Variants in PTER observed in about 807,000 individuals in gnomAD.
PTER encodes the protein phosphotriesterase related, also known as N-acetyltaurine hydrolase.
PTER carries 38 observed loss-of-function variants against 29.6 expected under a neutral mutation model. That is an observed-to-expected ratio of 1.28 (90% confidence interval 0.99 to 1.68). PTER has a LOEUF of 1.68. Ranked by LOEUF, PTER falls within the 40% of genes most tolerant of loss-of-function variation. The pLI, the probability that PTER is intolerant of heterozygous loss-of-function variation, is 0.00. For missense variants in PTER, 482 were observed against 427.8 expected (o/e 1.13, Z -1.12); for synonymous variants, 172 against 154.5 (o/e 1.11, Z -0.84).
chr10:16,515,168 G>A (rs1451484071), downstream of PTER, among the ~76,000 whole-genome samples: 1 of 151,256 alleles, frequency 6.6e-6, no homozygotes, highest in South Asian at 2.1e-4. Flanking sequence ...AGAAAATTGA[G>A]GTATGTAATA....
rs534178111 is a variant in PTER, at chr10:16,493,430, T to C, written c.698+6813T>C. 2.6e-3 allele frequency among the ~76,000 whole-genome samples: 398 copies of C among 151,142 alleles called. 2 individuals carry two copies. The highest frequency in any genetic ancestry group is 8.2e-3 in the African/African-American group (332 of 40,458). ...TTTCTTTTATTCTTAAAAACAATTT[T>C]TTTTTTAAATTTTTAAGAGTAAAAG... On this transcript the variant is annotated intron_variant, in intron 3 of 4. Transcript: ENST00000535784.
intron 3 of PTER, among the ~76,000 whole-genome samples, chr10:16,501,380 C>T (rs1162735845): frequency 4.0e-5 from 6 of 150,290 alleles, no homozygotes; most frequent in Non-Finnish European, 8.8e-5. Flanking sequence ...TGCACACACA[C>T]ACACACACAC....
chr10:16,455,596 G>A (rs893029680), intron 1 of PTER, among the ~76,000 whole-genome samples: 5 of 152,062 alleles, frequency 3.3e-5, no homozygotes, highest in Non-Finnish European at 1.5e-5. Flanking sequence ...GAGGCTGAGC[G>A]AGGTGGATCA....
At chr10:16,456,498 A>G (rs1834399609) in intron 1 of PTER, among the ~76,000 whole-genome samples, 1 of 152,204 alleles carries the variant, frequency 6.6e-6, no homozygotes, top group Non-Finnish European at 1.5e-5. Flanking sequence ...AAAGCAAACA[A>G]GGAGACTCTT....
intron 4 of PTER, among the ~76,000 whole-genome samples, chr10:16,509,422 A>C (rs1003033942): frequency 6.6e-6 from 1 of 152,220 alleles, no homozygotes; most frequent in African/African-American, 2.4e-5. Context: ...AGGTCTGACA[A>C]AGGACATCTT....
chr10:16,502,516 C>T (rs1427268814), intron 3 of PTER, among the ~76,000 whole-genome samples: 1 of 152,046 alleles, frequency 6.6e-6, no homozygotes, highest in African/African-American at 2.4e-5. Flanking sequence ...GCCTCCCTGC[C>T]TAAAACAACA....
chr10:16,471,705 T>C (rs1185321223), intron 1 of PTER, among the ~76,000 whole-genome samples: 1 of 152,260 alleles, frequency 6.6e-6, no homozygotes, highest in Non-Finnish European at 1.5e-5. Flanking sequence ...CATTTTTCTA[T>C]GTCATTAAAT....
At chr10:16,438,057 G>A (rs1199871089) in intron 1 of PTER, among the ~76,000 whole-genome samples, 2 of 152,208 alleles carry the variant, frequency 1.3e-5, no homozygotes, top group Admixed American at 1.3e-4. Flanking sequence ...CCAGGCTGGA[G>A]TGCAGTGGTG....
At chr10:16,470,192 C>T (rs75376996) in intron 1 of PTER, among the ~76,000 whole-genome samples, 247 of 152,208 alleles carry the variant, frequency 1.6e-3, no homozygotes, top group Non-Finnish European at 1.1e-3. Flanking sequence ...GCCTTACTTT[C>T]CTCATAGAAT....
chr10:16,480,812 CA>C (rs1352490693), intron 1 of PTER, among the ~76,000 whole-genome samples: 1 of 152,232 alleles, frequency 6.6e-6, no homozygotes, highest in African/African-American at 2.4e-5. Flanking sequence ...TACCGTCCTG[CA>C]CACCAAATCT....
intron 1 of PTER, among the ~76,000 whole-genome samples, chr10:16,438,920 CAAAAAAAAAA>C (rs71374688): frequency 9.9e-6 from 1 of 101,394 alleles, no homozygotes; most frequent in Non-Finnish European, 2.0e-5. Flanking sequence ...GACTCTGTCT[CAAAAAAAAAA>C]AAAAAAAAGG....
intron 1 of PTER, among the ~76,000 whole-genome samples, chr10:16,478,576 T>G (rs1211431967): frequency 6.6e-6 from 1 of 151,926 alleles, no homozygotes; most frequent in African/African-American, 2.4e-5. Context: ...TCAGGTGATT[T>G]GCCTGCCTCA....
intron 1 of PTER, among the ~76,000 whole-genome samples, chr10:16,479,790 C>T (rs965577777): frequency 1.3e-5 from 2 of 151,820 alleles, no homozygotes; most frequent in Non-Finnish European, 2.9e-5. Flanking sequence ...TGGATAATAG[C>T]GACATCCTAT....
At chr10:16,469,012 T>C (rs573307370) in intron 1 of PTER, among the ~76,000 whole-genome samples, 1 of 150,620 alleles carries the variant, frequency 6.6e-6, no homozygotes, top group South Asian at 2.1e-4. Context: ...TCAGAAGAAG[T>C]GCATTATTAA....
chr10:16,482,169 T>A (rs1186130133), intron 1 of PTER, among the ~76,000 whole-genome samples: 1 of 152,238 alleles, frequency 6.6e-6, no homozygotes, highest in Non-Finnish European at 1.5e-5. Flanking sequence ...TCCAAAAGTC[T>A]AAATCCATCA....
In PTER at chr10:16,463,025, G is replaced by C. The variant is rs539743381; in HGVS notation, c.-48-21312G>C. On this transcript the variant is annotated intron_variant, in intron 1 of 4. Coordinates refer to ENST00000535784, the MANE Select transcript of PTER (RefSeq NM_001261836.2). Reference sequence around the variant, plus strand: ...TGGCTAACATGGTGAAACCCCGTCTGTACTAAAAATACAAAAAATTAGTCG... The same window carrying C: ...TGGCTAACATGGTGAAACCCCGTCTCTACTAAAAATACAAAAAATTAGTCG... Among the ~76,000 whole-genome samples the C allele has an allele frequency of 7.9e-4, 120 of 151,712 alleles. 1 individual carries two copies. Among genetic ancestry groups the C allele is most frequent in the Non-Finnish European group, 1.5e-3 (99 of 67,872 alleles).
chr10:16,493,564 C>T (rs183575671), intron 3 of PTER, among the ~76,000 whole-genome samples: 15 of 152,050 alleles, frequency 9.9e-5, no homozygotes, highest in East Asian at 1.9e-4. Context: ...GCCACTGAGC[C>T]GGCCAGAAAA....
chr10:16,513,422 T>C lies in PTER; in HGVS notation c.*2166T>C, dbSNP rs2133533336. On this transcript the variant is annotated 3_prime_UTR_variant, in exon 5 of 5. Transcript: ENST00000535784. Reference sequence around the variant, plus strand: ...ATATAAATGTTTTATATGTATATGTTTTATACATAAATAAAACATTTCATC... The same window carrying C: ...ATATAAATGTTTTATATGTATATGTCTTATACATAAATAAAACATTTCATC... The C allele has an allele frequency of 6.6e-6, 1 of 152,638 alleles. No homozygotes were observed. Among genetic ancestry groups the C allele is most frequent in the East Asian group, 1.9e-4 (1 of 5,188 alleles). 9.5% of individuals were successfully genotyped at this position (152,638 alleles called of 1,614,324 possible). A position where few individuals can be genotyped will look rare whatever the true frequency, so the allele number is the denominator to read the frequency against.
chr10:16,444,905 C>G (rs1356202487), intron 1 of PTER, among the ~76,000 whole-genome samples: 1 of 152,036 alleles, frequency 6.6e-6, no homozygotes, highest in African/African-American at 2.4e-5. Context: ...AGGGTTGTTA[C>G]ATGGGTATGT....
Sources: gnomAD v4.1 joint callset for allele counts (sites outside exome capture counted in the v4.1 genomes callset) on GRCh38, gnomAD v4.1.1 for gene constraint, MANE v1.5 for transcripts, NCBI Gene and HGNC (gene_info 2026-07-23, HGNC 2026-07-21) for gene names.